MYO1H: variants seen among roughly 807,000 people sequenced by gnomAD.
MYO1H encodes myosin IH, also known as unconventional myosin-Ih.
A neutral mutation model predicts 149.3 loss-of-function variants in MYO1H; 118 were observed. The observed-to-expected ratio is 0.79, with a 90% confidence interval of 0.68 to 0.92. The LOEUF is 0.92. Among genes scored for constraint, MYO1H ranks in the 40% least tolerant of loss-of-function variants. The probability of loss-of-function intolerance (pLI) is 0.00; values close to 1 mark genes in which losing one functional copy is unlikely to be tolerated. For synonymous variants in MYO1H, 447 were observed against 465.2 expected (o/e 0.96, Z 0.50); for missense variants, 1,212 against 1,280.7 (o/e 0.95, Z 0.82).
intron 1 of MYO1H, among the ~76,000 whole-genome samples, chr12:109,385,690 G>A (rs950222572): frequency 1.3e-5 from 2 of 152,256 alleles, no homozygotes; most frequent in African/African-American, 4.8e-5. Flanking sequence ...CTAGTGTAGG[G>A]AGACATCTGG....
In MYO1H at chr12:109,442,284, T is replaced by C; in HGVS notation, c.2688+12T>C. 2.5e-6 allele frequency: 4 copies of C among 1,612,494 alleles called. No homozygotes were observed. Among genetic ancestry groups the C allele is most frequent in the Non-Finnish European group, 3.4e-6 (4 of 1,178,538 alleles). On this transcript the variant is annotated intron_variant, in intron 27 of 31. Transcript: ENST00000310903. ...ATGAGAAAATCCAGGTAAGGCGATG[T>C]GTGTCCTCAGTCTCAAACAGGATTC...
intron 17 of MYO1H, among the ~76,000 whole-genome samples, chr12:109,425,228 C>T (rs1015127446): frequency 2.2e-4 from 33 of 152,130 alleles, no homozygotes; most frequent in African/African-American, 7.0e-4. Context: ...CAGCTACTTT[C>T]GGAGGCTGAG....
the MYO1H span, among the ~76,000 whole-genome samples, chr12:109,327,725 G>C: frequency 1.4e-5 from 1 of 70,860 alleles, no homozygotes; most frequent in Admixed American, 2.1e-4. Flanking sequence ...CAGCCTGAAA[G>C]AGCAAAACTG....
chr12:109,393,421 A>C (rs1446869000), exon 3 of MYO1H: 7 of 1,583,096 alleles, frequency 4.4e-6, no homozygotes, highest in African/African-American at 1.3e-5. Context: ...TCAAGGGGTC[A>C]ATTTCTTTGA....
chr12:109,406,159 AGG>A, intron 8 of MYO1H, 124 bp downstream of exon 8: 1 of 663,744 alleles, frequency 1.5e-6, no homozygotes. Context: ...GATATTGGTT[AGG>A]AGGTTTAAAG....
chr12:109,415,012 A>G (rs1870844309), intron 14 of MYO1H, among the ~76,000 whole-genome samples: 1 of 152,106 alleles, frequency 6.6e-6, no homozygotes, highest in African/African-American at 2.4e-5. Context: ...ATGCCCGGCC[A>G]AAGGATCTAA....
intron 10 of MYO1H, among the ~76,000 whole-genome samples, chr12:109,409,332 G>A (rs995500885): frequency 1.6e-4 from 24 of 148,376 alleles, no homozygotes; most frequent in African/African-American, 6.0e-4. Flanking sequence ...AATCAGAAGG[G>A]GAAGGTCTGA....
the MYO1H span, among the ~76,000 whole-genome samples, chr12:109,321,612 G>A: frequency 2.6e-5 from 4 of 152,134 alleles, no homozygotes; most frequent in African/African-American, 9.7e-5. Context: ...AAAAGGTCAG[G>A]TGTTCATATG....
chr12:109,444,472 T>C, exon 30 of MYO1H: 1 of 1,613,996 alleles, frequency 6.2e-7, no homozygotes, highest in Non-Finnish European at 8.5e-7. Flanking sequence ...TTTGAAGCAG[T>C]TACTAAACTC....
intron 1 of MYO1H, among the ~76,000 whole-genome samples, chr12:109,351,126 T>TAA (rs1182718615): frequency 6.6e-6 from 1 of 152,182 alleles, no homozygotes; most frequent in East Asian, 1.9e-4. Context: ...GTACAAGTAA[T>TAA]ATGTTGGGTT....
chr12:109,327,805 C>T, the MYO1H span, among the ~76,000 whole-genome samples: 1 of 150,058 alleles, frequency 6.7e-6, no homozygotes, highest in East Asian at 2.0e-4. Context: ...GTGGTGTCTC[C>T]AAAGTGCTTT....
chr12:109,443,009 A>AAAAAAAAT (rs1371725807), intron 27 of MYO1H, among the ~76,000 whole-genome samples: 2 of 58,490 alleles, frequency 3.4e-5, no homozygotes, highest in African/African-American at 2.1e-4. Context: ...AAAAAAAAAA[A>AAAAAAAAT]ATATATATAT....
chr12:109,446,080 T>C (rs1368547387), intron 31 of MYO1H: 2 of 984,990 alleles, frequency 2.0e-6, no homozygotes, highest in African/African-American at 1.7e-5. Context: ...GTGTAAAAAA[T>C]ATGTAAGAAA....
chr12:109,444,141 C>T (rs936414919), intron 28 of MYO1H, 72 bp from the exon 29 acceptor site: 40 of 1,145,394 alleles, frequency 3.5e-5, no homozygotes, highest in Non-Finnish European at 4.1e-5. Context: ...AGCCCCTGGG[C>T]GTATCTCTTC....
chr12:109,353,102 A>G (rs1868497728), intron 1 of MYO1H, among the ~76,000 whole-genome samples: 1 of 152,178 alleles, frequency 6.6e-6, no homozygotes, highest in Non-Finnish European at 1.5e-5. Flanking sequence ...CTCATAAACA[A>G]TATTATTGTG....
chr12:109,325,309 A>G, the MYO1H span, among the ~76,000 whole-genome samples: 1 of 152,204 alleles, frequency 6.6e-6, no homozygotes, highest in Non-Finnish European at 1.5e-5. Flanking sequence ...GGCTTCTACA[A>G]TGGTTGAACT....
At chr12:109,442,686 A>T (rs1368824759) in intron 27 of MYO1H, among the ~76,000 whole-genome samples, 3 of 150,302 alleles carry the variant, frequency 2.0e-5, no homozygotes, top group Non-Finnish European at 4.4e-5. Context: ...AATGAGGATG[A>T]TGGGTTTACT....
At chr12:109,318,049 C>T in the MYO1H span, among the ~76,000 whole-genome samples, 3 of 152,120 alleles carry the variant, frequency 2.0e-5, no homozygotes, top group South Asian at 4.1e-4. Context: ...AGGTTTAAAA[C>T]GTACATTAAA....
At chr12:109,403,292 A>G in intron 6 of MYO1H, among the ~76,000 whole-genome samples, 1 of 152,248 alleles carries the variant, frequency 6.6e-6, no homozygotes, top group Non-Finnish European at 1.5e-5. Context: ...AAATATTTTC[A>G]TGGTATGACA....
Sources: allele counts gnomAD v4.1 joint callset (sites outside exome capture counted in the v4.1 genomes callset), GRCh38; gene constraint gnomAD v4.1.1; transcripts MANE v1.5; gene names NCBI Gene and HGNC (gene_info 2026-07-23, HGNC 2026-07-21).